Variants in CORO7 observed in about 807,000 individuals in gnomAD.
CORO7 encodes coronin-7.
Under a neutral mutation model 126.6 loss-of-function variants are expected in CORO7, and 107 were observed. The ratio of observed to expected loss-of-function variants is 0.85; its 90% CI spans 0.72 to 0.99. The LOEUF is 0.99. Among genes scored for constraint, CORO7 ranks in the 50% least tolerant of loss-of-function variants. The pLI is 0.00. For synonymous variants in CORO7, 603 were observed against 536.8 expected (o/e 1.12, Z -1.70); for missense variants, 1,314 against 1,255.8 (o/e 1.05, Z -0.70).
At position 4,362,657 on chromosome 16, in the gene CORO7, C is replaced by A; in HGVS notation, c.1357G>T (p.Gly453Cys). Residue 453 changes from glycine to cysteine, a missense_variant, in exon 15 of 28, where the codon GGC (glycine) becomes TGC (cysteine). Coordinates refer to ENST00000251166, the MANE Select transcript of CORO7 (RefSeq NM_024535.5). The surrounding 1 kb of genome is among the most constrained non-coding windows in gnomAD (Gnocchi z 5.3). ...CTCAAACTGGGGCTGGTCCCGATGC[C>A]ACTGGTGCTGGAGAGTGAGGGCCCC... ...SLGPSLSSTS[G>C]IGTSPSLRSL... 6.5e-7 allele frequency: 1 copy of A among 1,550,160 alleles called. No individual in the cohort carries two copies. The highest frequency in any genetic ancestry group is 8.7e-7 in the Non-Finnish European group (1 of 1,151,556).
At chr16:4,381,051 C>T (rs770922479) in intron 9 of CORO7, 18 of 1,610,560 alleles carry the variant, frequency 1.1e-5, no homozygotes, top group Admixed American at 3.3e-5. Flanking sequence ...TGGGGCTGTA[C>T]GTCTTTGAGA....
intron 27 of CORO7, 35 bp from the exon 28 acceptor site, chr16:4,355,198 G>A (rs1239945731): frequency 6.4e-7 from 1 of 1,573,362 alleles, no homozygotes; most frequent in Non-Finnish European, 8.7e-7. Flanking sequence ...GAGGGAGTCA[G>A]GAGGGCCTGG....
chr16:4,382,675 C>A, intron 9 of CORO7: 1 of 1,546,504 alleles, frequency 6.5e-7, no homozygotes, highest in South Asian at 1.2e-5. Context: ...CTACTGTGTG[C>A]GGCGGGGGCG....
intron 9 of CORO7, among the ~76,000 whole-genome samples, chr16:4,384,441 C>T (rs1488058801): frequency 1.3e-5 from 2 of 152,158 alleles, no homozygotes; most frequent in East Asian, 3.8e-4. Flanking sequence ...GGGGAGGGGA[C>T]CCACTGGGCT....
intron 7 of CORO7, among the ~76,000 whole-genome samples, chr16:4,390,357 G>GT (rs2055345002): frequency 6.6e-6 from 1 of 152,150 alleles, no homozygotes; most frequent in South Asian, 2.1e-4. Flanking sequence ...GCCACAAGGA[G>GT]TAAGAGGGAA....
Position 4,358,436 on chromosome 16 carries a change from C to G in CORO7, c.2388G>C (p.Glu796Asp). The G allele has an allele frequency of 6.2e-7, 1 of 1,611,748 alleles. No homozygotes were observed. Among genetic ancestry groups the G allele is most frequent in the Non-Finnish European group, 8.5e-7 (1 of 1,179,198 alleles). Reference protein sequence around the residue: ...PKTECDVREVELMRCLRLRQS... With the variant: ...PKTECDVREVDLMRCLRLRQS... Reference sequence around the variant, plus strand: ...GACGCAGCCGCAGGCACCGCATCAGCTCCACTTCCCGCACGTCGCACTCCG... The same window carrying G: ...GACGCAGCCGCAGGCACCGCATCAGGTCCACTTCCCGCACGTCGCACTCCG... The change falls in exon 24 of 28, where the codon GAG becomes GAC. Residue 796 changes from glutamate (E) to aspartate (D), a missense_variant. Physicochemically the swap from Glu to Asp is conservative, Grantham distance 45 (BLOSUM62 2). Coordinates refer to ENST00000251166, the MANE Select transcript of CORO7 (RefSeq NM_024535.5).
rs1187046697 is a variant in CORO7 at position 4,388,589 on chromosome 16, A to G, written c.658T>C (p.Trp220Arg). 1 of 1,613,106 alleles carries G rather than the reference A, an allele frequency of 6.2e-7. No individual in the cohort carries two copies. The highest frequency in any genetic ancestry group is 1.1e-5 in the South Asian group (1 of 90,870). Reference sequence around the variant, plus strand: ...ACAAGGTGCTCCCAGGTGCCCATCCATGCCAGCCGGCTATCCCTGCTGTTC... The same window carrying G: ...ACAAGGTGCTCCCAGGTGCCCATCCGTGCCAGCCGGCTATCCCTGCTGTTC... Reference protein sequence around the residue: ...HENSRDSRLAWMGTWEHLVST... With the variant: ...HENSRDSRLARMGTWEHLVST... Residue 220 changes from tryptophan (W) to arginine (R), a missense_variant, in exon 8 of 28, where the codon TGG becomes CGG. By Grantham distance (101) the Trp-to-Arg change is moderately radical. Transcript: ENST00000251166.
In CORO7 at chr16:4,382,015, C is replaced by T. The variant is rs761667074; in HGVS notation, c.785+5971G>A. ...GTCTTCTAGCTTGGCTCCTACCTGG[C>T]TTAGCCCCACAGAGCCGGCCACTGA... On this transcript the variant is annotated intron_variant, in intron 9 of 27. Coordinates refer to ENST00000251166, the MANE Select transcript of CORO7 (RefSeq NM_024535.5). The T allele has an allele frequency of 1.9e-6, 3 of 1,604,566 alleles. No homozygotes were observed. The South Asian group carries it at 3.3e-5, about 18-fold the overall frequency.
At chr16:4,361,578 G>C in intron 16 of CORO7, 109 bp from the exon 17 acceptor site, 1 of 1,296,530 alleles carries the variant, frequency 7.7e-7, no homozygotes, top group South Asian at 1.3e-5. Flanking sequence ...TGCAGCAGAG[G>C]CTCCCACCGC....
chr16:4,357,443 C>T (rs2054013753), intron 25 of CORO7, 184 bp from the exon 26 acceptor site: 14 of 597,470 alleles, frequency 2.3e-5, no homozygotes, highest in East Asian at 1.0e-4. Flanking sequence ...CTGCAACCTC[C>T]GCCTCCTCTG....
intron 9 of CORO7, among the ~76,000 whole-genome samples, chr16:4,384,060 C>A (rs2055102253): frequency 6.6e-6 from 1 of 152,232 alleles, no homozygotes; most frequent in Non-Finnish European, 1.5e-5. Context: ...CTCCCTGCCT[C>A]CTGCCCCTGG....
At chr16:4,396,358 C>T (rs925029189) in intron 6 of CORO7, among the ~76,000 whole-genome samples, 8 of 152,172 alleles carry the variant, frequency 5.3e-5, no homozygotes, top group Non-Finnish European at 8.8e-5. Context: ...GGATTACAGG[C>T]GTAAGCCACC....
rs1268481214 is a variant in CORO7 at position 4,413,336 on chromosome 16, G to A, written c.129C>T (p.Ser43=). The A allele has an allele frequency of 1.3e-6, 2 of 1,585,222 alleles. No homozygotes were observed. The highest frequency in any genetic ancestry group is 1.3e-5 in the African/African-American group (1 of 74,622). The part of the protein sequence containing the change: ...SCRNHIKSSC[S]LIAFNSDRPG... ...GACGGTCGGAGTTGAAGGCGATCAA[G>A]CTGCAGCTTGATTTGATGTGGTTCC... is the stretch of plus-strand genomic sequence containing the variant. Residue 43 remains serine (S), a synonymous_variant, in exon 2 of 28, where the codon AGC becomes AGT. Coordinates refer to ENST00000251166, the MANE Select transcript of CORO7 (RefSeq NM_024535.5).
chr16:4,410,134 C>T (rs923382258), intron 3 of CORO7, among the ~76,000 whole-genome samples: 27 of 152,074 alleles, frequency 1.8e-4, no homozygotes, highest in African/African-American at 6.3e-4. Context: ...ATCAAAAAGT[C>T]AAACATGAAG....
intron 9 of CORO7, chr16:4,381,034 G>A (rs755008432): frequency 1.1e-5 from 18 of 1,610,198 alleles, no homozygotes; most frequent in South Asian, 8.8e-5. Context: ...CGTGCCACCC[G>A]ACACGGTGGG....
chr16:4,395,790 G>A (rs932135158), intron 6 of CORO7, among the ~76,000 whole-genome samples: 1 of 152,088 alleles, frequency 6.6e-6, no homozygotes, highest in Admixed American at 6.6e-5. Context: ...CTCATATGAC[G>A]ACCTCATTTC....
At chr16:4,382,014 G>C (rs1028801026) in intron 9 of CORO7, 16 of 1,604,814 alleles carry the variant, frequency 1.0e-5, no homozygotes, top group Non-Finnish European at 1.3e-5. Context: ...CTCCTACCTG[G>C]CTTAGCCCCA....
chr16:4,391,250 T>C (rs1233722314), intron 7 of CORO7, among the ~76,000 whole-genome samples: 1 of 151,952 alleles, frequency 6.6e-6, no homozygotes, highest in African/African-American at 2.4e-5. Context: ...AACTGAAAAC[T>C]TCTCTCTTAA....
At chr16:4,382,437 C>G in intron 9 of CORO7, 1 of 1,610,330 alleles carries the variant, frequency 6.2e-7, no homozygotes, top group Non-Finnish European at 8.5e-7. Context: ...TCGCTGAGTA[C>G]ACGGTCACCC....
Sources: gnomAD v4.1 joint callset for allele counts (sites outside exome capture counted in the v4.1 genomes callset) on GRCh38, gnomAD v4.1.1 for gene constraint, Gnocchi (gnomAD v3.1) non-coding constraint, MANE v1.5 for transcripts, NCBI Gene and HGNC (gene_info 2026-07-23, HGNC 2026-07-21) for gene names.